Variants in RALGAPA2 observed in about 807,000 individuals in gnomAD.
The protein encoded by RALGAPA2 is ral GTPase-activating protein subunit alpha-2.
A neutral mutation model predicts 230.4 loss-of-function variants in RALGAPA2; 139 were observed. The ratio of observed to expected loss-of-function variants is 0.60; its 90% confidence interval spans 0.53 to 0.69. The LOEUF (loss-of-function observed/expected upper bound fraction) is 0.69. RALGAPA2 is among the 30% of genes least tolerant of loss of function. The probability of loss-of-function intolerance (pLI) is 0.00; values close to 1 mark genes in which losing one functional copy is unlikely to be tolerated. For synonymous variants in RALGAPA2, 847 were observed against 837.8 expected (o/e 1.01, Z -0.19); for missense variants, 2,163 against 2,276.0 (o/e 0.95, Z 1.01).
At chr20:20,509,696 A>G (rs59482506) in intron 33 of RALGAPA2, among the ~76,000 whole-genome samples, 12,959 of 152,258 alleles carry the variant, frequency 0.085, 807 homozygotes, top group African/African-American at 0.16. Context: ...GGGTGAAGAA[A>G]AGAAAAGAAA....
At chr20:20,457,104 C>T (rs546290231) in intron 37 of RALGAPA2, among the ~76,000 whole-genome samples, 16 of 152,302 alleles carry the variant, frequency 1.1e-4, no homozygotes, top group African/African-American at 3.8e-4. Context: ...AAATTTAACA[C>T]GTGCCTGACA....
chr20:20,616,511 C>T (rs1401780564), intron 12 of RALGAPA2, among the ~76,000 whole-genome samples: 1 of 151,758 alleles, frequency 6.6e-6, no homozygotes. Flanking sequence ...AACCCCTCAA[C>T]AAAAAAAGGA....
At position 20,619,330 on chromosome 20, in the gene RALGAPA2, C is replaced by T; in HGVS notation, c.1486G>A (p.Val496Met). The T allele has an allele frequency of 6.2e-7, 1 of 1,612,238 alleles. No homozygotes were observed. The highest frequency in any genetic ancestry group is 8.5e-7 in the Non-Finnish European group (1 of 1,178,826). The change falls in exon 12 of 40, where the codon GTG (valine) becomes ATG (methionine). Residue 496 changes from valine (V) to methionine (M), a missense_variant. By Grantham distance (21) the Val-to-Met change is conservative (BLOSUM62 1). Transcript: ENST00000202677. ...SFTSAMSRGC[V>M]TEEENTNVKA... is the part of the protein sequence containing the mutation. ...ACATTTGTATTTTCCTCCTCTGTCACACACCCTCTGCTCATTGCACTTGTG... is the reference window on the plus strand; with the variant it reads ...ACATTTGTATTTTCCTCCTCTGTCATACACCCTCTGCTCATTGCACTTGTG...
intron 10 of RALGAPA2, among the ~76,000 whole-genome samples, 167 bp from the exon 11 acceptor site, chr20:20,620,797 C>T (rs1285426787): frequency 6.6e-6 from 1 of 152,100 alleles, no homozygotes; most frequent in Non-Finnish European, 1.5e-5. Flanking sequence ...CCAAACTTAC[C>T]AGCAGCAAGA....
Position 20,648,536 on chromosome 20 carries a change from AT to A in RALGAPA2, c.329-4988del, listed in dbSNP as rs143260006. On this transcript the variant is annotated intron_variant, in intron 4 of 39. Coordinates refer to ENST00000202677, the MANE Select transcript of RALGAPA2 (RefSeq NM_020343.4). ...AAATTGTTAACCACCCCCCATAAAT[AT>A]TTTTTTTTTAATATAAGAAAAAAAG... 8.3e-3 allele frequency among the ~76,000 whole-genome samples: 1,252 copies of A among 150,368 alleles called. 16 individuals carry two copies. Among genetic ancestry groups the A allele is most frequent in the African/African-American group, 0.028 (1,133 of 41,034 alleles).
At chr20:20,608,774 C>T (rs1348809089) in intron 14 of RALGAPA2, among the ~76,000 whole-genome samples, 2 of 152,160 alleles carry the variant, frequency 1.3e-5, no homozygotes, top group Non-Finnish European at 2.9e-5. Flanking sequence ...GGGAGGTCAA[C>T]AGATGATCAC....
At chr20:20,557,707 T>C (rs1459021298) in intron 23 of RALGAPA2, among the ~76,000 whole-genome samples, 2 of 152,160 alleles carry the variant, frequency 1.3e-5, no homozygotes, top group African/African-American at 2.4e-5. Flanking sequence ...AAAAAATAAG[T>C]ACGGAAAACA....
intron 23 of RALGAPA2, among the ~76,000 whole-genome samples, chr20:20,552,212 G>GC (rs1214483756): frequency 6.6e-6 from 1 of 152,164 alleles, no homozygotes; most frequent in Non-Finnish European, 1.5e-5. Flanking sequence ...TCAGGGCCCA[G>GC]CAGATGATGG....
intron 37 of RALGAPA2, among the ~76,000 whole-genome samples, chr20:20,446,510 G>A (rs1188113036): frequency 1.3e-5 from 2 of 152,210 alleles, no homozygotes; most frequent in African/African-American, 4.8e-5. Flanking sequence ...GGAGAATGAT[G>A]ATTAAGAGGA....
chr20:20,494,981 T>A, intron 36 of RALGAPA2, 136 bp downstream of exon 36: 1 of 719,422 alleles, frequency 1.4e-6, no homozygotes. Flanking sequence ...AAAGCATGCA[T>A]AATTCAGATA....
intron 34 of RALGAPA2, chr20:20,504,818 A>AT (rs545146985): frequency 2.5e-3 from 488 of 197,694 alleles, no homozygotes; most frequent in Non-Finnish European, 4.0e-3. Context: ...GATTCTAGGA[A>AT]TTTTTTTTTT....
chr20:20,498,210 AT>A (rs1569446272), intron 35 of RALGAPA2, among the ~76,000 whole-genome samples: 1 of 152,150 alleles, frequency 6.6e-6, no homozygotes, highest in African/African-American at 2.4e-5. Flanking sequence ...AGTCAAGTTG[AT>A]CTGGTTCCTG....
At chr20:20,581,645 T>G (rs1243546498) in intron 20 of RALGAPA2, among the ~76,000 whole-genome samples, 2 of 152,174 alleles carry the variant, frequency 1.3e-5, no homozygotes, top group East Asian at 3.9e-4. Flanking sequence ...TTGTAAATGT[T>G]GAATCTCATA....
intron 16 of RALGAPA2, among the ~76,000 whole-genome samples, chr20:20,598,158 T>C (rs2065519880): frequency 1.3e-5 from 2 of 152,214 alleles, no homozygotes; most frequent in Admixed American, 1.3e-4. Flanking sequence ...TTTTGGAAAT[T>C]ACTGCTTTTT....
chr20:20,513,245 G>A lies in RALGAPA2; in HGVS notation c.4124C>T (p.Ala1375Val). The change falls in exon 32 of 40, where the codon GCT (alanine) becomes GTT (valine). Residue 1375 changes from alanine (A) to valine (V), a missense_variant. Coordinates refer to ENST00000202677, the MANE Select transcript of RALGAPA2 (RefSeq NM_020343.4). ...RRSLELIPLT[A>V]RMVMAHLVNH... ...CACCAGGTGGGCCATCACCATTCGAGCAGTCAAAGGGATCAACTCCAAACT... is the reference window on the plus strand; with the variant it reads ...CACCAGGTGGGCCATCACCATTCGAACAGTCAAAGGGATCAACTCCAAACT... The A allele has an allele frequency of 6.7e-7, 1 of 1,502,190 alleles. No individual in the cohort carries two copies. The allele number at this position is 1,502,190 out of a possible 1,614,324, so 93.1% of individuals were successfully genotyped here. A position where few individuals can be genotyped will look rare whatever the true frequency, so the allele number is the denominator to read the frequency against.
intron 37 of RALGAPA2, among the ~76,000 whole-genome samples, chr20:20,420,620 GAGC>G (rs2060256843): frequency 6.6e-6 from 1 of 152,122 alleles, no homozygotes; most frequent in Non-Finnish European, 1.5e-5. Flanking sequence ...AGAGGAAATG[GAGC>G]AGAAGCAGGC....
chr20:20,521,587 A>G (rs566118578), intron 30 of RALGAPA2, among the ~76,000 whole-genome samples: 2 of 152,324 alleles, frequency 1.3e-5, no homozygotes, highest in African/African-American at 4.8e-5. Context: ...TCTTATTTTC[A>G]CAAGATTAGT....
At chr20:20,487,182 C>T (rs1367026700) in intron 36 of RALGAPA2, among the ~76,000 whole-genome samples, 1 of 152,186 alleles carries the variant, frequency 6.6e-6, no homozygotes. Flanking sequence ...CTGAAGTAAT[C>T]AGGCCTCAAA....
chr20:20,443,015 A>G (rs373179185), intron 37 of RALGAPA2, among the ~76,000 whole-genome samples: 3 of 152,262 alleles, frequency 2.0e-5, no homozygotes, highest in East Asian at 3.8e-4. Context: ...TCAATGGACC[A>G]TGATACTTAA....
Sources: gnomAD v4.1 joint callset for allele counts (sites outside exome capture counted in the v4.1 genomes callset) on GRCh38, gnomAD v4.1.1 for gene constraint, MANE v1.5 for transcripts, NCBI Gene and HGNC (gene_info 2026-07-23, HGNC 2026-07-21) for gene names.